The following DLC1 variants were observed in gnomAD, a reference collection of about 807,000 sequenced individuals.
The protein encoded by DLC1 is DLC1 Rho GTPase activating protein.
Under a neutral mutation model 140.3 loss-of-function variants are expected in DLC1, and 54 were observed. The ratio of observed to expected loss-of-function variants is 0.38; its 90% CI spans 0.31 to 0.48. The LOEUF is 0.48. Ranked by LOEUF, DLC1 falls within the 20% of genes least tolerant of loss-of-function variation. The probability of loss-of-function intolerance (pLI) is 0.96; values close to 1 mark genes in which losing one functional copy is unlikely to be tolerated. For missense variants in DLC1, 2,536 were observed against 1,907.0 expected (o/e 1.33, Z -6.14); for synonymous variants, 986 against 728.1 (o/e 1.35, Z -5.70).
At chr8:13,488,573 A>G (rs1801081088) in intron 2 of DLC1, among the ~76,000 whole-genome samples, 1 of 152,170 alleles carries the variant, frequency 6.6e-6, no homozygotes, top group Non-Finnish European at 1.5e-5. Flanking sequence ...CAAGTGCAAA[A>G]TCTAAAATGT....
At chr8:13,544,155 T>A (rs924611801) in intron 1 of DLC1, among the ~76,000 whole-genome samples, 2 of 151,298 alleles carry the variant, frequency 1.3e-5, no homozygotes, top group Non-Finnish European at 2.9e-5. Flanking sequence ...ATAATTTTTC[T>A]CTCTCTCTCC....
intron 5 of DLC1, among the ~76,000 whole-genome samples, chr8:13,232,338 A>T (rs1829085988): frequency 6.7e-6 from 1 of 150,330 alleles, no homozygotes; most frequent in African/African-American, 2.5e-5. Context: ...ATTCTGCTAC[A>T]GTCTTTTTTT....
chr8:13,414,177 T>C (rs1295210674), intron 2 of DLC1, among the ~76,000 whole-genome samples: 1 of 152,204 alleles, frequency 6.6e-6, no homozygotes, highest in Non-Finnish European at 1.5e-5. Flanking sequence ...TGTTGAATTA[T>C]GAGGAATTAA....
intron 2 of DLC1, among the ~76,000 whole-genome samples, chr8:13,470,011 A>G (rs6994896): frequency 0.33 from 49,755 of 151,932 alleles, 8,603 homozygotes; most frequent in Middle Eastern, 0.43. Context: ...TTTTTATTTC[A>G]TTTATATAAA....
chr8:13,412,831 C>A (rs975459033), intron 2 of DLC1, among the ~76,000 whole-genome samples: 1 of 148,962 alleles, frequency 6.7e-6, no homozygotes, highest in African/African-American at 2.5e-5. Context: ...ACTAGGGAGG[C>A]TGAGGCAGGA....
chr8:13,269,241 TA>T (rs1285788392), intron 5 of DLC1, among the ~76,000 whole-genome samples: 13 of 152,180 alleles, frequency 8.5e-5, no homozygotes, highest in African/African-American at 3.1e-4. Context: ...AGCAGTACTA[TA>T]GTCGTGAGTT....
chr8:13,539,423 A>G (rs1311855832), intron 1 of DLC1, among the ~76,000 whole-genome samples: 1 of 152,064 alleles, frequency 6.6e-6, no homozygotes, highest in African/African-American at 2.4e-5. Context: ...GATGGTCTCA[A>G]TCTCCTGACC....
At chr8:13,194,452 C>T (rs1257257875) in intron 5 of DLC1, among the ~76,000 whole-genome samples, 3 of 152,158 alleles carry the variant, frequency 2.0e-5, no homozygotes, top group Admixed American at 2.0e-4. Flanking sequence ...TTGCTGATGG[C>T]ATCAGGCAGT....
intron 1 of DLC1, among the ~76,000 whole-genome samples, chr8:13,502,005 C>T (rs775990837): frequency 5.4e-4 from 82 of 152,236 alleles, no homozygotes; most frequent in Non-Finnish European, 9.6e-4. Context: ...AGTGGTATTA[C>T]GATGTCACTC....
At chr8:13,398,996 C>T (rs556193487) in intron 3 of DLC1, among the ~76,000 whole-genome samples, 3 of 152,206 alleles carry the variant, frequency 2.0e-5, no homozygotes, top group East Asian at 3.9e-4. Flanking sequence ...TGAATAGCCA[C>T]CTTGAAATGT....
upstream of DLC1, chr8:13,515,415 G>A (rs897054928): frequency 2.0e-5 from 3 of 152,150 alleles, no homozygotes; most frequent in African/African-American, 7.2e-5. Flanking sequence ...ATCCTTCACA[G>A]AATTAAAATA....
At chr8:13,141,414 C>A (rs146317294) in intron 5 of DLC1, among the ~76,000 whole-genome samples, 27 of 152,160 alleles carry the variant, frequency 1.8e-4, no homozygotes, top group African/African-American at 5.8e-4. Context: ...ATAAATCAAT[C>A]CTGGAAAATC....
At chr8:13,553,952 T>C (rs1399189006) in intron 1 of DLC1, among the ~76,000 whole-genome samples, 1 of 152,146 alleles carries the variant, frequency 6.6e-6, no homozygotes, top group Non-Finnish European at 1.5e-5. Flanking sequence ...TGCTTGATCT[T>C]TCTAACATCC....
chr8:13,589,155 TC>T (rs1365640292), intron 1 of DLC1, among the ~76,000 whole-genome samples: 1 of 152,136 alleles, frequency 6.6e-6, no homozygotes, highest in South Asian at 2.1e-4. Flanking sequence ...AGGCTATCCT[TC>T]ATCTGTCCAA....
At chr8:13,243,069 C>T (rs545157614) in intron 5 of DLC1, among the ~76,000 whole-genome samples, 173 of 151,894 alleles carry the variant, frequency 1.1e-3, no homozygotes, top group African/African-American at 3.7e-3. Context: ...GTGGGCAGAT[C>T]GCTTGAGGTC....
At chr8:13,313,380 C>A (rs1034843786) in intron 4 of DLC1, among the ~76,000 whole-genome samples, 5 of 152,138 alleles carry the variant, frequency 3.3e-5, no homozygotes, top group Admixed American at 2.6e-4. Flanking sequence ...AAGACTGAAA[C>A]AAAAAATTAG....
At chr8:13,591,814 C>T (rs1278521782) in intron 1 of DLC1, among the ~76,000 whole-genome samples, 1 of 151,994 alleles carries the variant, frequency 6.6e-6, no homozygotes, top group African/African-American at 2.4e-5. Context: ...ATTTTGACTT[C>T]AACAACTTGG....
chr8:13,355,854 G>T (rs1219945458), intron 4 of DLC1, among the ~76,000 whole-genome samples: 1 of 151,886 alleles, frequency 6.6e-6, no homozygotes, highest in Non-Finnish European at 1.5e-5. Context: ...GGAGGCTAAG[G>T]TGGGCAGATC....
At chr8:13,214,737 C>G (rs150388069) in intron 5 of DLC1, 15 of 780,814 alleles carry the variant, frequency 1.9e-5, no homozygotes, top group African/African-American at 8.5e-5. Context: ...CCTTTGTGCT[C>G]TTATCTTCAT....
Sources: gnomAD v4.1 joint callset for allele counts (sites outside exome capture counted in the v4.1 genomes callset) on GRCh38, gnomAD v4.1.1 for gene constraint, MANE v1.5 for transcripts, NCBI Gene and HGNC (gene_info 2026-07-23, HGNC 2026-07-21) for gene names.